The following GRAMD1B variants were observed in gnomAD, a reference collection of about 807,000 sequenced individuals.
The protein encoded by GRAMD1B is protein Aster-B.
A neutral mutation model predicts 99.7 loss-of-function variants in GRAMD1B; 37 were observed. The ratio of observed to expected loss-of-function variants is 0.37; its 90% CI spans 0.29 to 0.49. The LOEUF (loss-of-function observed/expected upper bound fraction) is 0.49. Ranked by LOEUF, GRAMD1B falls within the 20% of genes least tolerant of loss-of-function variation. GRAMD1B has a pLI of 0.98. For synonymous variants in GRAMD1B, 427 were observed against 387.6 expected (o/e 1.10, Z -1.19); for missense variants, 888 against 1,009.2 (o/e 0.88, Z 1.63).
chr11:123,585,992 GCTT>G (rs1950030450), intron 4 of GRAMD1B, among the ~76,000 whole-genome samples: 1 of 151,942 alleles, frequency 6.6e-6, no homozygotes. Flanking sequence ...CCTACCATTA[GCTT>G]CTTTCTCTGA....
chr11:123,456,439 T>A (rs1028735208), intron 1 of GRAMD1B, among the ~76,000 whole-genome samples: 13 of 152,172 alleles, frequency 8.5e-5, no homozygotes, highest in African/African-American at 2.9e-4. Flanking sequence ...ACTTTACACT[T>A]GTCATTTACC....
intron 2 of GRAMD1B, among the ~76,000 whole-genome samples, chr11:123,553,961 A>G (rs888121879): frequency 2.6e-5 from 4 of 152,110 alleles, no homozygotes; most frequent in Non-Finnish European, 5.9e-5. Flanking sequence ...TTGGCTAACA[A>G]TCTAGCTTTC....
intron 1 of GRAMD1B, among the ~76,000 whole-genome samples, chr11:123,472,672 G>T (rs1041695932): frequency 6.6e-6 from 1 of 152,218 alleles, no homozygotes; most frequent in South Asian, 2.1e-4. Flanking sequence ...AGGAGGTGGT[G>T]TCTGATTTAT....
chr11:123,491,086 A>T (rs1938504892), intron 2 of GRAMD1B, among the ~76,000 whole-genome samples: 1 of 152,134 alleles, frequency 6.6e-6, no homozygotes, highest in Non-Finnish European at 1.5e-5. Flanking sequence ...TAATCCCAGC[A>T]CTTTGGGAGG....
At chr11:123,436,623 G>A (rs1949171831) in intron 1 of GRAMD1B, among the ~76,000 whole-genome samples, 1 of 152,202 alleles carries the variant, frequency 6.6e-6, no homozygotes, top group Non-Finnish European at 1.5e-5. Flanking sequence ...TGTTGCTCGA[G>A]GCAACTACTT....
chr11:123,530,687 T>A (rs1041440236), intron 2 of GRAMD1B, among the ~76,000 whole-genome samples: 5 of 152,186 alleles, frequency 3.3e-5, no homozygotes, highest in African/African-American at 1.2e-4. Flanking sequence ...AGCCTCAAGA[T>A]TCTTTCTGTA....
chr11:123,368,699 A>AAAAAAAAAAG (rs1555106411), intron 1 of GRAMD1B, among the ~76,000 whole-genome samples: 1 of 150,294 alleles, frequency 6.7e-6, no homozygotes, highest in African/African-American at 2.4e-5. Flanking sequence ...AAAAAAAAAA[A>AAAAAAAAAAG]AAAGAAAGAA....
intron 2 of GRAMD1B, among the ~76,000 whole-genome samples, chr11:123,500,874 A>G (rs1939788164): frequency 6.6e-6 from 1 of 152,092 alleles, no homozygotes; most frequent in African/African-American, 2.4e-5. Context: ...AGGTTTCACC[A>G]TGTTGGCCAG....
At chr11:123,390,529 C>T (rs776013582) in intron 1 of GRAMD1B, among the ~76,000 whole-genome samples, 3 of 152,168 alleles carry the variant, frequency 2.0e-5, no homozygotes, top group Non-Finnish European at 2.9e-5. Context: ...AATGAATTTT[C>T]ACTACTGTTA....
intron 3 of GRAMD1B, among the ~76,000 whole-genome samples, chr11:123,577,836 C>T (rs1456776285): frequency 4.6e-5 from 7 of 151,434 alleles, no homozygotes; most frequent in Non-Finnish European, 7.4e-5. Flanking sequence ...GGAGGGGAGA[C>T]GCTCTGGGAA....
At chr11:123,431,621 G>T (rs1465812587) in intron 1 of GRAMD1B, among the ~76,000 whole-genome samples, 1 of 152,100 alleles carries the variant, frequency 6.6e-6, no homozygotes, top group Non-Finnish European at 1.5e-5. Context: ...ACAGTTAAGT[G>T]GTTTATATTT....
intron 2 of GRAMD1B, among the ~76,000 whole-genome samples, chr11:123,521,975 T>C (rs966648554): frequency 4.6e-5 from 7 of 152,188 alleles, no homozygotes; most frequent in African/African-American, 1.7e-4. Flanking sequence ...TTTTTTTTCC[T>C]ATTTTATCTG....
At chr11:123,590,092 G>A (rs962749264) in intron 4 of GRAMD1B, among the ~76,000 whole-genome samples, 14 of 152,160 alleles carry the variant, frequency 9.2e-5, no homozygotes, top group African/African-American at 3.4e-4. Flanking sequence ...ACCAAAATCT[G>A]TGCTTTTAGT....
chr11:123,469,964 T>G (rs1415875907), intron 1 of GRAMD1B, among the ~76,000 whole-genome samples: 1 of 152,202 alleles, frequency 6.6e-6, no homozygotes, highest in East Asian at 1.9e-4. Context: ...ATGTTACAAC[T>G]CTGATGTAAA....
intron 1 of GRAMD1B, among the ~76,000 whole-genome samples, chr11:123,443,792 A>G (rs958339442): frequency 1.3e-5 from 2 of 152,218 alleles, no homozygotes; most frequent in African/African-American, 4.8e-5. Context: ...CATATTGATC[A>G]GGCTGGTCTT....
rs1950178765 is a variant in GRAMD1B, at chr11:123,457,117, A to AAAGAAAGAAAGAAAG, written c.375-23697_375-23696insGAAAGAAAGAAAGAA. Among the ~76,000 whole-genome samples, 6 of 99,436 alleles carry AAAGAAAGAAAGAAAG rather than the reference A, an allele frequency of 6.0e-5. 1 individual carries two copies. The highest frequency in any genetic ancestry group is 2.2e-4 in the African/African-American group (6 of 27,862). 65.2% of individuals were successfully genotyped at this position (99,436 alleles called of 152,430 possible). ...ACAGAGAGAGACCCTTTCTGAGAAA[A>AAAGAAAGAAAGAAAG]AAAGAAAGAAAGAAAGAAAGAATTA... On this transcript the variant is annotated intron_variant, in intron 1 of 19. Coordinates refer to ENST00000635736, the MANE Select transcript of GRAMD1B (RefSeq NM_001387025.1).
chr11:123,606,291 G>A (rs1377691271), intron 10 of GRAMD1B, among the ~76,000 whole-genome samples: 1 of 152,246 alleles, frequency 6.6e-6, no homozygotes, highest in East Asian at 1.9e-4. Context: ...CTACCTGGAG[G>A]CAGGCTGACC....
At chr11:123,503,909 G>A (rs1244469068) in intron 2 of GRAMD1B, among the ~76,000 whole-genome samples, 2 of 152,130 alleles carry the variant, frequency 1.3e-5, no homozygotes, top group Non-Finnish European at 2.9e-5. Flanking sequence ...CTATGAAATA[G>A]TATTATTATG....
chr11:123,358,821 T>C (rs924704214), intron 1 of GRAMD1B: 9 of 152,446 alleles, frequency 5.9e-5, no homozygotes, highest in African/African-American at 2.2e-4. Flanking sequence ...CTGACCTTCC[T>C]GAGCCCTAGG....
Sources: gnomAD v4.1 joint callset for allele counts (sites outside exome capture counted in the v4.1 genomes callset) on GRCh38, gnomAD v4.1.1 for gene constraint, MANE v1.5 for transcripts, NCBI Gene and HGNC (gene_info 2026-07-23, HGNC 2026-07-21) for gene names.